Variants in RABGAP1L observed in about 807,000 individuals in gnomAD.
RABGAP1L encodes rab GTPase-activating protein 1-like.
Under a neutral mutation model 137.7 loss-of-function variants are expected in RABGAP1L, and 63 were observed. That is an observed-to-expected ratio of 0.46 (90% CI 0.37 to 0.56). RABGAP1L has a LOEUF of 0.56. Among genes scored for constraint, RABGAP1L ranks in the 20% least tolerant of loss-of-function variants. The probability of loss-of-function intolerance (pLI) is 0.00; values close to 1 mark genes in which losing one functional copy is unlikely to be tolerated. For synonymous variants in RABGAP1L, 431 were observed against 433.7 expected (o/e 0.99, Z 0.08); for missense variants, 1,095 against 1,244.0 (o/e 0.88, Z 1.80).
rs567147342 is a variant in RABGAP1L, at chr1:174,639,328, A to T, written c.1824+1840A>T. On this transcript the variant is annotated intron_variant, in intron 14 of 25. Coordinates refer to ENST00000681986, the MANE Select transcript of RABGAP1L (RefSeq NM_001366446.1). ...TATACTGATCTTTAGAAAGTGATATATCATCTACTTTGAAAAGTACCAAAG... is the reference window on the plus strand; with the variant it reads ...TATACTGATCTTTAGAAAGTGATATTTCATCTACTTTGAAAAGTACCAAAG... Among the ~76,000 whole-genome samples, 25 of 152,302 alleles carry T rather than the reference A, an allele frequency of 1.6e-4. No individual in the cohort carries two copies. In the South Asian group the frequency reaches 5.2e-3, roughly 32 times the overall value.
chr1:174,902,872 A>AT (rs1266515399), intron 19 of RABGAP1L, among the ~76,000 whole-genome samples: 1 of 151,602 alleles, frequency 6.6e-6, no homozygotes, highest in Admixed American at 6.6e-5. Flanking sequence ...TCGGTGCTGA[A>AT]TTCACTCTTC....
intron 19 of RABGAP1L, among the ~76,000 whole-genome samples, chr1:174,846,429 T>A (rs1694055826): frequency 6.6e-6 from 1 of 151,212 alleles, no homozygotes; most frequent in African/African-American, 2.4e-5. Flanking sequence ...ATGTTGTGTC[T>A]TTGTTCTCGT....
At chr1:174,487,490 C>T (rs960394786) in intron 13 of RABGAP1L, among the ~76,000 whole-genome samples, 7 of 151,948 alleles carry the variant, frequency 4.6e-5, no homozygotes, top group African/African-American at 7.3e-5. Flanking sequence ...TTTTTCCATT[C>T]CTTTGGTTTT....
intron 14 of RABGAP1L, among the ~76,000 whole-genome samples, chr1:174,682,162 T>C (rs1336256099): frequency 6.6e-6 from 1 of 151,836 alleles, no homozygotes; most frequent in East Asian, 1.9e-4. Context: ...GCCCTTGTAA[T>C]TGCAGCTACT....
chr1:174,741,779 T>C (rs1258682146), intron 17 of RABGAP1L, among the ~76,000 whole-genome samples: 1 of 144,288 alleles, frequency 6.9e-6, no homozygotes, highest in Non-Finnish European at 1.5e-5. Context: ...TACCATGTTG[T>C]GGCATTTTTA....
chr1:174,291,092 A>G (rs1399434103), intron 10 of RABGAP1L, among the ~76,000 whole-genome samples: 2 of 152,220 alleles, frequency 1.3e-5, no homozygotes, highest in South Asian at 4.1e-4. Context: ...TCTATATATT[A>G]TCATGTTGTC....
chr1:174,232,930 T>C (rs1670805784), intron 4 of RABGAP1L, among the ~76,000 whole-genome samples: 1 of 152,198 alleles, frequency 6.6e-6, no homozygotes, highest in Non-Finnish European at 1.5e-5. Flanking sequence ...TTAGCCTGTT[T>C]GGGCTGCTGT....
intron 18 of RABGAP1L, among the ~76,000 whole-genome samples, chr1:174,805,250 T>TA: frequency 6.6e-6 from 1 of 152,346 alleles, no homozygotes; most frequent in South Asian, 2.1e-4. Context: ...ATTAACATTC[T>TA]ACTTACCTTT....
At chr1:174,886,329 CA>C (rs1655121801) in intron 19 of RABGAP1L, among the ~76,000 whole-genome samples, 1 of 152,146 alleles carries the variant, frequency 6.6e-6, no homozygotes, top group Non-Finnish European at 1.5e-5. Context: ...AATATTACAT[CA>C]AAACTCACCA....
intron 7 of RABGAP1L, among the ~76,000 whole-genome samples, chr1:174,261,211 G>T (rs1673554178): frequency 6.6e-6 from 1 of 152,118 alleles, no homozygotes; most frequent in Non-Finnish European, 1.5e-5. Context: ...TCAATTTGCA[G>T]TGAGTAACAT....
In RABGAP1L at chr1:174,448,247, G is replaced by A. The variant is rs1655015252; in HGVS notation, c.1710+54102G>A. On this transcript the variant is annotated intron_variant, in intron 13 of 25. Transcript: ENST00000681986. This position sits in a 1 kb window ranked among gnomAD's most constrained non-coding sequence, Gnocchi z 4.2. ...GGATGTCTGCATCTTCGAGACAGTG[G>A]TTATTGTGTTGCTGACATTTCTGAT... The A allele has an allele frequency of 6.2e-7, 1 of 1,613,942 alleles. No homozygotes were observed. Among genetic ancestry groups the A allele is most frequent in the Admixed American group, 1.7e-5 (1 of 59,994 alleles).
In RABGAP1L at chr1:174,519,233, C is replaced by CACAT. The variant is rs1553320470; in HGVS notation, c.1711-118141_1711-118140insCATA. Among the ~76,000 whole-genome samples the CACAT allele has an allele frequency of 2.3e-4, 35 of 150,924 alleles. 1 individual carries two copies. The highest frequency in any genetic ancestry group is 1.3e-3 in the South Asian group (6 of 4,768). ...ACATATATATATACACACACACACA[C>CACAT]ATATATATATATTTATGTATATGAG... On this transcript the variant is annotated intron_variant, in intron 13 of 25. Coordinates refer to ENST00000681986, the MANE Select transcript of RABGAP1L (RefSeq NM_001366446.1).
At chr1:174,452,918 A>G (rs1156408548) in intron 13 of RABGAP1L, among the ~76,000 whole-genome samples, 1 of 152,154 alleles carries the variant, frequency 6.6e-6, no homozygotes, top group Non-Finnish European at 1.5e-5. Context: ...CACAACTTAA[A>G]GGTCACTAAT....
At chr1:174,868,629 T>C (rs1404374723) in intron 19 of RABGAP1L, among the ~76,000 whole-genome samples, 3 of 152,226 alleles carry the variant, frequency 2.0e-5, no homozygotes, top group Admixed American at 6.5e-5. Context: ...TAATGGTGTT[T>C]TGTTGATCAG....
rs1257175034 is a variant in RABGAP1L, at chr1:174,400,022, T to C, written c.1710+5877T>C. Among the ~76,000 whole-genome samples the C allele has an allele frequency of 5.9e-5, 9 of 152,280 alleles. No individual in the cohort carries two copies. In the East Asian group the frequency reaches 1.5e-3, roughly 26 times the overall value. ...CTACCATTTAAATCTATAGTAGGAA[T>C]GTACTGGTTTAGAATTTGAACCCAC... On this transcript the variant is annotated intron_variant, in intron 13 of 25. Transcript: ENST00000681986.
At chr1:174,504,192 C>G (rs1661606102) in intron 13 of RABGAP1L, among the ~76,000 whole-genome samples, 2 of 151,784 alleles carry the variant, frequency 1.3e-5, no homozygotes, top group Non-Finnish European at 2.9e-5. Context: ...AGGCTTGTCT[C>G]CAACTCTTGA....
At chr1:174,720,290 T>TAGATAGATAGGTAGAC (rs368112419) in intron 17 of RABGAP1L, among the ~76,000 whole-genome samples, 1 of 141,678 alleles carries the variant, frequency 7.1e-6, no homozygotes, top group Non-Finnish European at 1.5e-5. Flanking sequence ...GATAGATAGA[T>TAGATAGATAGGTAGAC]AGACAGACAG....
At chr1:174,775,265 C>A (rs1395793683) in intron 18 of RABGAP1L, among the ~76,000 whole-genome samples, 1 of 152,022 alleles carries the variant, frequency 6.6e-6, no homozygotes, top group Admixed American at 6.6e-5. Context: ...TGAAACTCAG[C>A]AGCCATGTGC....
intron 20 of RABGAP1L, among the ~76,000 whole-genome samples, chr1:174,961,423 T>G (rs1486777348): frequency 6.6e-6 from 1 of 152,220 alleles, no homozygotes; most frequent in African/African-American, 2.4e-5. Context: ...TGAGGAAAGT[T>G]TTCTAGTGAT....
Sources: gnomAD v4.1 joint callset for allele counts (sites outside exome capture counted in the v4.1 genomes callset) on GRCh38, gnomAD v4.1.1 for gene constraint, Gnocchi (gnomAD v3.1) non-coding constraint, MANE v1.5 for transcripts, NCBI Gene and HGNC (gene_info 2026-07-23, HGNC 2026-07-21) for gene names.